Variants in PPP2R1A observed in about 807,000 individuals in gnomAD.
PPP2R1A encodes the protein serine/threonine-protein phosphatase 2A 65 kDa regulatory subunit A alpha isoform.
PPP2R1A carries 15 observed loss-of-function variants against 67.1 expected under a neutral mutation model. That is an observed-to-expected ratio of 0.22 (90% confidence interval 0.15 to 0.34). The LOEUF (loss-of-function observed/expected upper bound fraction) is 0.34. PPP2R1A is among the 10% of genes least tolerant of loss of function. The pLI, the probability that PPP2R1A is intolerant of heterozygous loss-of-function variation, is 1.00. For missense variants in PPP2R1A, 369 were observed against 775.0 expected, an observed-to-expected ratio of 0.48 and a Z score of 6.22; for synonymous variants, 337 against 325.0, an observed-to-expected ratio of 1.04 and a Z score of -0.40.
rs937379036 is a variant in PPP2R1A, at chr19:52,216,129, G to A, written c.993+55G>A. The A allele has an allele frequency of 6.4e-7, 1 of 1,558,718 alleles. No individual in the cohort carries two copies. The highest frequency in any genetic ancestry group is 1.7e-5 in the Admixed American group (1 of 59,838). ...GTGGATCCGAGCCTGCCAAAAAGAG[G>A]GGCTGGAGACAAGGCTTTGGGGATA... On this transcript the variant is annotated intron_variant, in intron 8 of 14. Coordinates refer to ENST00000322088, the MANE Select transcript of PPP2R1A (RefSeq NM_014225.6). The surrounding 1 kb of genome is among the most constrained non-coding windows in gnomAD (Gnocchi z 4.3).
In PPP2R1A at chr19:52,228,771, T is replaced by C. The variant is rs1311386110; in HGVS notation, c.*2790T>C. ...CACACACAAATTTTGTCTCCTTTTGTGATGACTGCACTTCTTTGGCTGTTT... is the reference window on the plus strand; with the variant it reads ...CACACACAAATTTTGTCTCCTTTTGCGATGACTGCACTTCTTTGGCTGTTT... On this transcript the variant is annotated 3_prime_UTR_variant, in exon 15 of 15. Coordinates refer to ENST00000322088, the MANE Select transcript of PPP2R1A (RefSeq NM_014225.6). The C allele has an allele frequency of 2.0e-5, 3 of 152,318 alleles. No homozygotes were observed. The highest frequency in any genetic ancestry group is 2.9e-5 in the Non-Finnish European group (2 of 68,104). 9.4% of individuals were successfully genotyped at this position (152,318 alleles called of 1,614,324 possible).
intron 6 of PPP2R1A, among the ~76,000 whole-genome samples, chr19:52,214,166 C>G (rs1978425663): frequency 6.6e-6 from 1 of 151,892 alleles, no homozygotes; most frequent in Non-Finnish European, 1.5e-5. Context: ...GACAAAGAAC[C>G]CTGGGAGGTG....
chr19:52,205,265 A>C (rs573916137), intron 2 of PPP2R1A, among the ~76,000 whole-genome samples: 69 of 152,272 alleles, frequency 4.5e-4, no homozygotes, highest in African/African-American at 1.4e-3. Context: ...CTTAAGAGAG[A>C]GGCCTTTGGA....
At chr19:52,210,141 G>A (rs573108292) in intron 3 of PPP2R1A, among the ~76,000 whole-genome samples, 101 of 152,032 alleles carry the variant, frequency 6.6e-4, no homozygotes, top group Non-Finnish European at 1.2e-3. Context: ...TTGAATTTCA[G>A]ATCAGAGACC....
Position 52,212,608 on chromosome 19 carries a change from C to T in PPP2R1A, c.504-78C>T. The T allele has an allele frequency of 1.9e-6, 3 of 1,539,100 alleles. No homozygotes were observed. The highest frequency in any genetic ancestry group is 2.6e-6 in the Non-Finnish European group (3 of 1,139,228). ...AGGTCATTCAGCTAAAACCTGGACCCACACAACTGCAGAGTCTGTGCTTGC... is the reference window on the plus strand; with the variant it reads ...AGGTCATTCAGCTAAAACCTGGACCTACACAACTGCAGAGTCTGTGCTTGC... On this transcript the variant is annotated intron_variant, in intron 4 of 14. Transcript: ENST00000322088. The surrounding 1 kb of genome is among the most constrained non-coding windows in gnomAD (Gnocchi z 4.1).
Position 52,222,386 on chromosome 19 carries a change from G to A in PPP2R1A, c.1661+145G>A, listed in dbSNP as rs1178253643. 24 of 1,250,608 alleles carry A rather than the reference G, an allele frequency of 1.9e-5. No individual in the cohort carries two copies. The East Asian group carries it at 6.2e-4, about 32-fold the overall frequency. The allele number at this position is 1,250,608 out of a possible 1,614,324, so 77.5% of individuals were successfully genotyped here. ...ACCTTGGCTCCCTTCCCTTCTCAAG[G>A]TGTGTTTTCTCAACTGTAAAATGAA... On this transcript the variant is annotated intron_variant, in intron 13 of 14. Transcript: ENST00000322088.
chr19:52,203,415 A>G (rs2089571329), intron 2 of PPP2R1A, among the ~76,000 whole-genome samples: 1 of 152,140 alleles, frequency 6.6e-6, no homozygotes, highest in South Asian at 2.1e-4. Flanking sequence ...GTAGAGGAAA[A>G]ATGTTGGACC....
At chr19:52,215,362 G>A (rs1978504273) in intron 6 of PPP2R1A, among the ~76,000 whole-genome samples, 2 of 152,100 alleles carry the variant, frequency 1.3e-5, no homozygotes, top group Admixed American at 1.3e-4. Context: ...TTGGCCTATT[G>A]TTTTATTTTC....
chr19:52,198,603 T>C (rs986129581), intron 1 of PPP2R1A, among the ~76,000 whole-genome samples: 2 of 152,186 alleles, frequency 1.3e-5, no homozygotes, highest in Non-Finnish European at 2.9e-5. Context: ...GTGCCATCCC[T>C]GGGGATGCCA....
chr19:52,207,705 T>G (rs1055611009), intron 3 of PPP2R1A, among the ~76,000 whole-genome samples: 44 of 152,328 alleles, frequency 2.9e-4, no homozygotes, highest in African/African-American at 1.0e-3. Flanking sequence ...TGTATACTGA[T>G]GTTAGCTGTA....
intron 3 of PPP2R1A, among the ~76,000 whole-genome samples, chr19:52,208,098 T>G (rs1447842637): frequency 2.0e-5 from 3 of 152,188 alleles, no homozygotes; most frequent in African/African-American, 7.2e-5. Context: ...CGGCCCTTGC[T>G]CTCAGCAGTG....
intron 6 of PPP2R1A, among the ~76,000 whole-genome samples, chr19:52,214,612 G>T (rs1269182715): frequency 6.6e-6 from 1 of 152,068 alleles, no homozygotes; most frequent in East Asian, 1.9e-4. Flanking sequence ...GTTCATTCCC[G>T]TCTTCATAAT....
rs2122338873 is a variant in PPP2R1A at position 52,213,080 on chromosome 19, C to T, written c.777C>T (p.Val259=). 2 of 1,593,972 alleles carry T rather than the reference C, an allele frequency of 1.3e-6. No individual in the cohort carries two copies. The highest frequency in any genetic ancestry group is 1.7e-6 in the Non-Finnish European group (2 of 1,173,456). Residue 259 remains valine (V), a synonymous_variant, in exon 6 of 15, where the codon GTC becomes GTT. Coordinates refer to ENST00000322088, the MANE Select transcript of PPP2R1A (RefSeq NM_014225.6). The surrounding 1 kb of genome is among the most constrained non-coding windows in gnomAD (Gnocchi z 4.2). ...RQAAEDKSWR[V]RYMVADKFTE... ...CCGCTGAAGACAAGTCCTGGCGCGTCCGCTACATGGTGGCTGACAAGTTCA... is the reference window on the plus strand; with the variant it reads ...CCGCTGAAGACAAGTCCTGGCGCGTTCGCTACATGGTGGCTGACAAGTTCA...
At chr19:52,198,093 G>T (rs545441465) in intron 1 of PPP2R1A, among the ~76,000 whole-genome samples, 2 of 152,268 alleles carry the variant, frequency 1.3e-5, no homozygotes, top group Admixed American at 1.3e-4. Flanking sequence ...CCTGTAGAAT[G>T]TCATTTTGTA....
Position 52,222,172 on chromosome 19 carries a change from A to C in PPP2R1A, c.1592A>C (p.Asp531Ala). The change falls in exon 13 of 15, where the codon GAC becomes GCC. Residue 531 changes from aspartate (D) to alanine (A), a missense_variant. Coordinates refer to ENST00000322088, the MANE Select transcript of PPP2R1A (RefSeq NM_014225.6). ...MLPTVLRMAGDPVANVRFNVA... is the reference protein window; with the variant it reads ...MLPTVLRMAGAPVANVRFNVA... ...CCCACGGTTCTGCGCATGGCTGGGGACCCGGTTGCCAATGTCCGCTTCAAT... is the reference window on the plus strand; with the variant it reads ...CCCACGGTTCTGCGCATGGCTGGGGCCCCGGTTGCCAATGTCCGCTTCAAT... 1 of 1,614,146 alleles carries C rather than the reference A, an allele frequency of 6.2e-7. No individual in the cohort carries two copies. The highest frequency in any genetic ancestry group is 8.5e-7 in the Non-Finnish European group (1 of 1,180,036).
In PPP2R1A at chr19:52,216,593, C is replaced by G; in HGVS notation, c.1058C>G (p.Ser353Cys). The change falls in exon 9 of 15, where the codon TCT (serine) becomes TGT (cysteine). Residue 353 changes from serine to cysteine, a missense_variant. Ser to Cys is a moderately radical substitution (Grantham distance 112). Transcript: ENST00000322088. This position sits in a 1 kb window ranked among gnomAD's most constrained non-coding sequence, Gnocchi z 4.3. The part of the protein sequence containing the change: ...SALASVIMGL[S>C]PILGKDNTIE... ...CTGGCCTCAGTCATCATGGGTCTCTCTCCCATCTTGGGCAAAGACAACACC... is the reference window on the plus strand; with the variant it reads ...CTGGCCTCAGTCATCATGGGTCTCTGTCCCATCTTGGGCAAAGACAACACC... 1 of 1,614,172 alleles carries G rather than the reference C, an allele frequency of 6.2e-7. No individual in the cohort carries two copies. The highest frequency in any genetic ancestry group is 8.5e-7 in the Non-Finnish European group (1 of 1,180,026).
At chr19:52,209,163 G>A (rs2089638943) in intron 3 of PPP2R1A, among the ~76,000 whole-genome samples, 1 of 152,150 alleles carries the variant, frequency 6.6e-6, no homozygotes, top group Non-Finnish European at 1.5e-5. Context: ...GAGAACCTTG[G>A]CTTACATAAT....
chr19:52,219,897 T>A lies in PPP2R1A; in HGVS notation c.1302+33T>A. On this transcript the variant is annotated intron_variant, in intron 10 of 14. Coordinates refer to ENST00000322088, the MANE Select transcript of PPP2R1A (RefSeq NM_014225.6). This position sits in a 1 kb window ranked among gnomAD's most constrained non-coding sequence, Gnocchi z 4.0. ...AGGAGGCCTGGGGGCCAGGCAGTGC[T>A]GCCTCAGGGGAGGTGCAGTATGTCC... 6.3e-7 allele frequency: 1 copy of A among 1,591,612 alleles called. No homozygotes were observed. The highest frequency in any genetic ancestry group is 8.5e-7 in the Non-Finnish European group (1 of 1,169,970).
chr19:52,202,702 A>T (rs2122302603), intron 2 of PPP2R1A, among the ~76,000 whole-genome samples: 1 of 152,366 alleles, frequency 6.6e-6, no homozygotes. Flanking sequence ...ACTTGACAGC[A>T]TTGGTTAATG....
Sources: allele counts gnomAD v4.1 joint callset (sites outside exome capture counted in the v4.1 genomes callset), GRCh38; gene constraint gnomAD v4.1.1; non-coding constraint Gnocchi (gnomAD v3.1); transcripts MANE v1.5; gene names NCBI Gene and HGNC (gene_info 2026-07-23, HGNC 2026-07-21).